The following ZNF407 variants were observed in gnomAD, a reference collection of about 807,000 sequenced individuals.
ZNF407 encodes zinc finger protein 407.
ZNF407 carries 17 observed loss-of-function variants against 131.2 expected under a neutral mutation model. That is an observed-to-expected ratio of 0.13 (90% CI 0.09 to 0.19). The LOEUF (loss-of-function observed/expected upper bound fraction) is 0.19. Ranked by LOEUF, ZNF407 falls within the 10% of genes least tolerant of loss-of-function variation. The pLI, the probability that ZNF407 is intolerant of heterozygous loss-of-function variation, is 1.00. For missense variants in ZNF407, 2,681 were observed against 2,830.6 expected, an observed-to-expected ratio of 0.95 and a Z score of 1.20; for synonymous variants, 1,156 against 1,062.0, an observed-to-expected ratio of 1.09 and a Z score of -1.72.
intron 3 of ZNF407, among the ~76,000 whole-genome samples, chr18:74,686,649 G>A (rs1967103566): frequency 6.6e-6 from 1 of 152,140 alleles, no homozygotes; most frequent in African/African-American, 2.4e-5. Context: ...ATGAAATCTT[G>A]TGCACAAGAT....
chr18:74,816,367 C>CTTTTTAT (rs1568228304), intron 4 of ZNF407, among the ~76,000 whole-genome samples: 2 of 152,058 alleles, frequency 1.3e-5, no homozygotes, highest in African/African-American at 4.8e-5. Flanking sequence ...TCAGAAAGAC[C>CTTTTTAT]TTTTGGGTCA....
chr18:75,029,033 C>G (rs1197115325), intron 8 of ZNF407, among the ~76,000 whole-genome samples: 1 of 152,130 alleles, frequency 6.6e-6, no homozygotes, highest in Non-Finnish European at 1.5e-5. Flanking sequence ...GTTGTAGTCA[C>G]GAATAAAATT....
At chr18:74,874,758 A>G (rs535345994) in intron 4 of ZNF407, among the ~76,000 whole-genome samples, 49 of 151,368 alleles carry the variant, frequency 3.2e-4, no homozygotes, top group African/African-American at 1.1e-3. Flanking sequence ...TTTTTCTGGC[A>G]TTAAGTTTAT....
intron 1 of ZNF407, among the ~76,000 whole-genome samples, chr18:74,600,948 G>C (rs1982552602): frequency 6.6e-6 from 1 of 152,202 alleles, no homozygotes; most frequent in Admixed American, 6.5e-5. Context: ...CTAGGGGACA[G>C]GGATCTTTTA....
intron 3 of ZNF407, among the ~76,000 whole-genome samples, chr18:74,720,851 T>G (rs1968015194): frequency 6.6e-6 from 1 of 152,214 alleles, no homozygotes; most frequent in Non-Finnish European, 1.5e-5. Flanking sequence ...TGTGTCTGTT[T>G]TTATGCTAGT....
At chr18:74,617,169 C>CATCCATATCCACGCACCACACAT (rs1983349056) in intron 1 of ZNF407, among the ~76,000 whole-genome samples, 2 of 151,542 alleles carry the variant, frequency 1.3e-5, no homozygotes, top group African/African-American at 2.4e-5. Flanking sequence ...GCACCACACA[C>CATCCATATCCACGCACCACACAT]ATCCATATCC....
chr18:74,620,946 A>C (rs1208470501), intron 1 of ZNF407, among the ~76,000 whole-genome samples: 1 of 152,184 alleles, frequency 6.6e-6, no homozygotes. Context: ...CAAGGAACAC[A>C]TGATCAGTTA....
At chr18:74,944,256 C>A (rs1281967831) in intron 8 of ZNF407, among the ~76,000 whole-genome samples, 1 of 152,074 alleles carries the variant, frequency 6.6e-6, no homozygotes, top group African/African-American at 2.4e-5. Flanking sequence ...TTAATTTACA[C>A]CGATTTATAA....
intron 8 of ZNF407, among the ~76,000 whole-genome samples, chr18:75,023,072 C>T (rs536919704): frequency 6.6e-6 from 1 of 152,012 alleles, no homozygotes; most frequent in Non-Finnish European, 1.5e-5. Context: ...AGCAAACTCT[C>T]GCAGGAACAG....
At chr18:74,932,438 A>C (rs1419060410) in intron 8 of ZNF407, among the ~76,000 whole-genome samples, 1 of 152,208 alleles carries the variant, frequency 6.6e-6, no homozygotes, top group Non-Finnish European at 1.5e-5. Flanking sequence ...AAAATGCCAC[A>C]GTTGGATATG....
chr18:74,945,783 G>A (rs982802828), intron 8 of ZNF407, among the ~76,000 whole-genome samples: 1 of 152,088 alleles, frequency 6.6e-6, no homozygotes, highest in South Asian at 2.1e-4. Context: ...CAGGCAAGGT[G>A]TCATACAATA....
chr18:74,798,018 A>C (rs1222138397), intron 4 of ZNF407, among the ~76,000 whole-genome samples: 1 of 152,134 alleles, frequency 6.6e-6, no homozygotes, highest in Admixed American at 6.5e-5. Context: ...ATGACTCACT[A>C]ATGCTGGGGA....
Position 74,726,244 on chromosome 18 carries a change from T to C in ZNF407, c.4803-55184T>C, listed in dbSNP as rs569458627. Reference sequence around the variant, plus strand: ...GTAGACTGCCTCTATGCTTTCTGCATTGGATAATTATGGCTGAGAGTCTAG... The same window carrying C: ...GTAGACTGCCTCTATGCTTTCTGCACTGGATAATTATGGCTGAGAGTCTAG... On this transcript the variant is annotated intron_variant, in intron 3 of 8. Coordinates refer to ENST00000299687, the MANE Select transcript of ZNF407 (RefSeq NM_017757.3). Among the ~76,000 whole-genome samples the C allele has an allele frequency of 1.1e-4, 17 of 152,300 alleles. No homozygotes were observed. In the South Asian group the frequency reaches 3.3e-3, roughly 30 times the overall value.
chr18:74,609,445 A>G (rs1328439817), intron 1 of ZNF407, among the ~76,000 whole-genome samples: 6 of 152,216 alleles, frequency 3.9e-5, no homozygotes, highest in Non-Finnish European at 5.9e-5. Context: ...TTGTAACTCA[A>G]TGGTAAGTAT....
intron 8 of ZNF407, among the ~76,000 whole-genome samples, chr18:75,057,523 A>G (rs1052042828): frequency 6.6e-6 from 1 of 152,210 alleles, no homozygotes; most frequent in Non-Finnish European, 1.5e-5. Flanking sequence ...TACTTGCCAC[A>G]GATGAGATGA....
chr18:74,877,122 G>A lies in ZNF407; in HGVS notation c.4878-75G>A, dbSNP rs866825522. On this transcript the variant is annotated intron_variant, in intron 4 of 8. Transcript: ENST00000299687. The stretch of plus-strand genomic sequence containing the variant: ...GCGTGTGCACCGCACCTCAGGGTTC[G>A]CACACGCGCTGCCTGGGGCCTTCGG... 9.0e-5 allele frequency: 125 copies of A among 1,386,598 alleles called. No individual in the cohort carries two copies. In the African/African-American group the frequency reaches 1.1e-3, roughly 13 times the overall value. The allele number at this position is 1,386,598 out of a possible 1,614,324, so 85.9% of individuals were successfully genotyped here.
intron 8 of ZNF407, among the ~76,000 whole-genome samples, chr18:74,978,759 C>T (rs1009903758): frequency 6.6e-6 from 1 of 151,930 alleles, no homozygotes; most frequent in African/African-American, 2.4e-5. Context: ...AGATGAAAAA[C>T]TTAAGTGGGA....
chr18:74,843,859 T>C (rs1437282256), intron 4 of ZNF407, among the ~76,000 whole-genome samples: 1 of 152,224 alleles, frequency 6.6e-6, no homozygotes, highest in Non-Finnish European at 1.5e-5. Context: ...AGTAAATGTA[T>C]GATTTTATAT....
intron 3 of ZNF407, among the ~76,000 whole-genome samples, chr18:74,657,757 A>C (rs906411227): frequency 6.6e-6 from 1 of 152,078 alleles, no homozygotes; most frequent in Non-Finnish European, 1.5e-5. Flanking sequence ...TGTTCCATCA[A>C]ATACTGTCGT....
Sources: allele counts gnomAD v4.1 joint callset (sites outside exome capture counted in the v4.1 genomes callset), GRCh38; gene constraint gnomAD v4.1.1; transcripts MANE v1.5; gene names NCBI Gene and HGNC (gene_info 2026-07-23, HGNC 2026-07-21).